Variants in ABTB3 observed in about 807,000 individuals in gnomAD.
ABTB3 encodes ankyrin repeat- and BTB/POZ domain-containing protein 3.
chr12:107,615,028 C>T, the ABTB3 span: 1 of 1,570,762 alleles, frequency 6.4e-7, no homozygotes, highest in African/African-American at 1.4e-5. Context: ...TTGTGAAGGT[C>T]ACATTTTGAA....
At chr12:107,448,860 C>T in the ABTB3 span, among the ~76,000 whole-genome samples, 1 of 152,192 alleles carries the variant, frequency 6.6e-6, no homozygotes, top group African/African-American at 2.4e-5. Flanking sequence ...CGTGAGCCAC[C>T]ACACCTGGCC....
chr12:107,438,564 T>A, the ABTB3 span, among the ~76,000 whole-genome samples: 1 of 152,192 alleles, frequency 6.6e-6, no homozygotes, highest in South Asian at 2.1e-4. Flanking sequence ...TTCCATACCT[T>A]ATCCTCAGGA....
At chr12:107,385,880 C>G in the ABTB3 span, among the ~76,000 whole-genome samples, 1 of 152,182 alleles carries the variant, frequency 6.6e-6, no homozygotes. Flanking sequence ...ACCGACATGC[C>G]CAGCCTAGCC....
chr12:107,338,705 C>A, the ABTB3 span, among the ~76,000 whole-genome samples: 1 of 152,194 alleles, frequency 6.6e-6, no homozygotes, highest in Non-Finnish European at 1.5e-5. Flanking sequence ...TCCCCTGTAG[C>A]CTCTAAGGCC....
the ABTB3 span, among the ~76,000 whole-genome samples, chr12:107,655,674 C>G: frequency 2.6e-5 from 4 of 152,218 alleles, no homozygotes; most frequent in Non-Finnish European, 5.9e-5. Flanking sequence ...TACATCTAAC[C>G]GTTTGAGACA....
chr12:107,623,289 G>A, the ABTB3 span, among the ~76,000 whole-genome samples: 4 of 147,754 alleles, frequency 2.7e-5, no homozygotes, highest in Non-Finnish European at 5.9e-5. Context: ...TCAATCTCTT[G>A]ACCTCGTGAT....
chr12:107,536,489 A>C, the ABTB3 span, among the ~76,000 whole-genome samples: 1 of 152,144 alleles, frequency 6.6e-6, no homozygotes, highest in Non-Finnish European at 1.5e-5. Flanking sequence ...CAAACTATTC[A>C]CCTGACAAAG....
At chr12:107,483,528 T>A in the ABTB3 span, among the ~76,000 whole-genome samples, 1 of 152,084 alleles carries the variant, frequency 6.6e-6, no homozygotes, top group Non-Finnish European at 1.5e-5. Flanking sequence ...CCAGCCTTTT[T>A]CCCTTCAGTC....
the ABTB3 span, among the ~76,000 whole-genome samples, chr12:107,435,835 T>C: frequency 6.6e-6 from 1 of 152,226 alleles, no homozygotes; most frequent in Non-Finnish European, 1.5e-5. Flanking sequence ...TTTTATCCAG[T>C]AGAACTTTCT....
At chr12:107,456,355 T>C in the ABTB3 span, among the ~76,000 whole-genome samples, 1 of 152,250 alleles carries the variant, frequency 6.6e-6, no homozygotes, top group African/African-American at 2.4e-5. Flanking sequence ...CATCTGTATT[T>C]ATAGTCGTTT....
the ABTB3 span, among the ~76,000 whole-genome samples, chr12:107,329,028 G>A: frequency 6.6e-6 from 1 of 152,146 alleles, no homozygotes; most frequent in East Asian, 1.9e-4. Flanking sequence ...TCCTCAGCTG[G>A]AGGCCCTGGG....
the ABTB3 span, among the ~76,000 whole-genome samples, chr12:107,631,851 C>T: frequency 6.6e-6 from 1 of 152,204 alleles, no homozygotes; most frequent in African/African-American, 2.4e-5. Context: ...TGACCTGAGC[C>T]ACCTGGCTGA....
chr12:107,618,094 G>T, the ABTB3 span: 1 of 1,519,296 alleles, frequency 6.6e-7, no homozygotes. Flanking sequence ...GCCTGCCCCT[G>T]CCCTGCCCCA....
chr12:107,425,806 C>T, the ABTB3 span, among the ~76,000 whole-genome samples: 4 of 152,216 alleles, frequency 2.6e-5, 1 homozygote, highest in South Asian at 4.1e-4. Flanking sequence ...CGGCCAGGCA[C>T]GTGGTGATGC....
chr12:107,584,256 C>A, the ABTB3 span, among the ~76,000 whole-genome samples: 1 of 152,214 alleles, frequency 6.6e-6, no homozygotes, highest in African/African-American at 2.4e-5. Flanking sequence ...GGGACCCACC[C>A]TGTTCCTTAC....
the ABTB3 span, chr12:107,649,210 T>C: frequency 6.2e-7 from 1 of 1,612,168 alleles, no homozygotes; most frequent in Non-Finnish European, 8.5e-7. Context: ...TTCCAGCTGG[T>C]TATGCAGTAT....
At chr12:107,609,157 A>G in the ABTB3 span, among the ~76,000 whole-genome samples, 2 of 152,222 alleles carry the variant, frequency 1.3e-5, no homozygotes, top group South Asian at 4.1e-4. Flanking sequence ...CATTTGCCAC[A>G]TTGAATTATA....
chr12:107,604,440 A>G, the ABTB3 span, among the ~76,000 whole-genome samples: 6 of 152,174 alleles, frequency 3.9e-5, no homozygotes, highest in African/African-American at 1.4e-4. Context: ...GAGAGAAAAA[A>G]AAATAATGAG....
chr12:107,576,430 G>A, the ABTB3 span, among the ~76,000 whole-genome samples: 8 of 152,188 alleles, frequency 5.3e-5, no homozygotes, highest in Admixed American at 6.5e-5. Flanking sequence ...TCTTCTTGGC[G>A]TGCATGGCCA....
Sources: allele counts gnomAD v4.1 joint callset (sites outside exome capture counted in the v4.1 genomes callset), GRCh38; gene constraint gnomAD v4.1.1; transcripts MANE v1.5; gene names NCBI Gene and HGNC (gene_info 2026-07-23, HGNC 2026-07-21).